The following TSHR variants were observed in gnomAD, a reference collection of about 807,000 sequenced individuals.
TSHR encodes thyrotropin receptor.
In TSHR, 51 loss-of-function variants were observed where a neutral mutation model predicts 64.1. That is an observed-to-expected ratio of 0.80 (90% CI 0.64 to 1.01). The LOEUF is 1.01. TSHR is among the 50% of genes least tolerant of loss of function. TSHR has a pLI of 0.00. For synonymous variants in TSHR, 361 were observed against 361.9 expected, an observed-to-expected ratio of 1.00 and a Z score of 0.03; for missense variants, 877 against 942.8, an observed-to-expected ratio of 0.93 and a Z score of 0.91.
chr14:80,983,379 C>T (rs1380628799), intron 1 of TSHR: 17 of 1,104,070 alleles, frequency 1.5e-5, no homozygotes, highest in Admixed American at 2.3e-5. Context: ...CAAAACCAGA[C>T]ATCTTGTTTT....
At chr14:81,100,474 G>C (rs1318351786) in intron 7 of TSHR, among the ~76,000 whole-genome samples, 1 of 152,188 alleles carries the variant, frequency 6.6e-6, no homozygotes, top group African/African-American at 2.4e-5. Context: ...ATGCACACCA[G>C]CTGGATGTCC....
At chr14:80,957,146 C>A (rs192204363) in intron 1 of TSHR, among the ~76,000 whole-genome samples, 1 of 152,280 alleles carries the variant, frequency 6.6e-6, no homozygotes, top group East Asian at 1.9e-4. Context: ...TTTCTTCCCA[C>A]TTTCTGGCCC....
intron 8 of TSHR, among the ~76,000 whole-genome samples, chr14:81,132,495 A>G (rs1891288146): frequency 6.6e-6 from 1 of 152,138 alleles, no homozygotes; most frequent in Non-Finnish European, 1.5e-5. Context: ...CATCATTAAA[A>G]TCTCATGATA....
rs370956600 is a variant in TSHR, at chr14:81,030,149, G to A, written c.171-31999G>A. On this transcript the variant is annotated intron_variant, in intron 1 of 9. Coordinates refer to ENST00000298171, the MANE Select transcript of TSHR (RefSeq NM_000369.5). ...GCTGATACAATATTGGTATAAACAA[G>A]GTCACTAGTGTTCCAGTATGAACAT... 5.9e-5 allele frequency among the ~76,000 whole-genome samples: 9 copies of A among 152,218 alleles called. No individual in the cohort carries two copies. In the East Asian group the frequency reaches 1.5e-3, roughly 26 times the overall value.
intron 8 of TSHR, among the ~76,000 whole-genome samples, chr14:81,110,049 A>G (rs1890158207): frequency 6.6e-6 from 1 of 152,264 alleles, no homozygotes; most frequent in Admixed American, 6.5e-5. Flanking sequence ...GAAAGGCTTT[A>G]GAAACAGGTA....
chr14:81,131,438 C>A (rs1391677961), intron 8 of TSHR, among the ~76,000 whole-genome samples: 1 of 152,174 alleles, frequency 6.6e-6, no homozygotes, highest in Non-Finnish European at 1.5e-5. Flanking sequence ...CCTCTGCAGC[C>A]TTTTGATCTC....
At chr14:81,093,377 G>A (rs528672241) in intron 6 of TSHR, among the ~76,000 whole-genome samples, 3 of 152,302 alleles carry the variant, frequency 2.0e-5, no homozygotes, top group Admixed American at 2.0e-4. Flanking sequence ...CTCCAAGCTG[G>A]TAGAAAGTTC....
intron 2 of TSHR, among the ~76,000 whole-genome samples, chr14:81,067,588 G>C (rs899465978): frequency 6.7e-6 from 1 of 148,222 alleles, no homozygotes; most frequent in East Asian, 2.0e-4. Flanking sequence ...ATAGGTCAGT[G>C]GTTCTCAACA....
intron 1 of TSHR, among the ~76,000 whole-genome samples, chr14:81,000,928 G>A (rs1889276306): frequency 6.6e-6 from 1 of 152,126 alleles, no homozygotes; most frequent in African/African-American, 2.4e-5. Context: ...GGCAGGGAGA[G>A]GCAGAATCAC....
chr14:80,962,703 T>C (rs1298716724), intron 1 of TSHR, among the ~76,000 whole-genome samples: 1 of 152,186 alleles, frequency 6.6e-6, no homozygotes, highest in African/African-American at 2.4e-5. Flanking sequence ...TATTTATAAA[T>C]TAGGAATATC....
In TSHR at chr14:81,144,156, A is replaced by G. The variant is rs201306565; in HGVS notation, c.2098A>G (p.Lys700Glu). Residue 700 changes from lysine (K) to glutamate (E), a missense_variant, in exon 10 of 10, where the codon AAA becomes GAA. Coordinates refer to ENST00000298171, the MANE Select transcript of TSHR (RefSeq NM_000369.5). ...CCTACTCAGCAAGTTTGGCATCTGT[A>G]AACGCCAGGCTCAGGCATACCGGGG... ...FILLSKFGIC[K>E]RQAQAYRGQR... 39 of 1,614,142 alleles carry G rather than the reference A, an allele frequency of 2.4e-5. No homozygotes were observed. The East Asian group carries it at 8.0e-4, about 33-fold the overall frequency.
intron 1 of TSHR, among the ~76,000 whole-genome samples, chr14:80,969,531 G>A (rs1887490693): frequency 6.6e-6 from 1 of 152,172 alleles, no homozygotes; most frequent in Admixed American, 6.5e-5. Context: ...AAAGAAATGT[G>A]CCTTACCAAG....
At chr14:81,124,330 G>A (rs1426973596) in intron 8 of TSHR, among the ~76,000 whole-genome samples, 3 of 151,878 alleles carry the variant, frequency 2.0e-5, no homozygotes, top group East Asian at 3.9e-4. Flanking sequence ...GTGAATACAC[G>A]ATTTTCTAGG....
At chr14:81,093,935 C>G (rs1416593415) in intron 6 of TSHR, among the ~76,000 whole-genome samples, 2 of 152,146 alleles carry the variant, frequency 1.3e-5, no homozygotes, top group Non-Finnish European at 2.9e-5. Flanking sequence ...ACCTCTACCC[C>G]TTGACACCAT....
chr14:81,016,849 A>C (rs1360425480), intron 1 of TSHR, among the ~76,000 whole-genome samples: 1 of 152,116 alleles, frequency 6.6e-6, no homozygotes, highest in African/African-American at 2.4e-5. Flanking sequence ...TGGTATGTGG[A>C]TATACAGTTT....
chr14:81,058,827 G>GT (rs1287349716), intron 1 of TSHR, among the ~76,000 whole-genome samples: 1 of 152,230 alleles, frequency 6.6e-6, no homozygotes, highest in East Asian at 1.9e-4. Flanking sequence ...TTCACTTGGT[G>GT]TTTTTTCTTT....
intron 1 of TSHR, among the ~76,000 whole-genome samples, chr14:81,042,206 C>T (rs1368960866): frequency 3.9e-5 from 6 of 152,064 alleles, no homozygotes; most frequent in Admixed American, 2.0e-4. Flanking sequence ...TAAATTAGGA[C>T]AGCCATTATG....
intron 1 of TSHR, among the ~76,000 whole-genome samples, chr14:81,058,249 C>T (rs1227525959): frequency 6.6e-6 from 1 of 152,196 alleles, no homozygotes; most frequent in African/African-American, 2.4e-5. Flanking sequence ...TTTCCTAAGG[C>T]AGACATTTGA....
At chr14:81,036,156 A>G (rs757121479) in intron 1 of TSHR, among the ~76,000 whole-genome samples, 5 of 152,220 alleles carry the variant, frequency 3.3e-5, no homozygotes, top group Non-Finnish European at 7.3e-5. Flanking sequence ...ATGAAGAGAG[A>G]CACAGAAAGG....
Sources: allele counts gnomAD v4.1 joint callset (sites outside exome capture counted in the v4.1 genomes callset), GRCh38; gene constraint gnomAD v4.1.1; transcripts MANE v1.5; gene names NCBI Gene and HGNC (gene_info 2026-07-23, HGNC 2026-07-21).